Variants in PRSS27 observed in about 807,000 individuals in gnomAD.
The protein encoded by PRSS27 is serine protease 27.
PRSS27 carries 25 observed loss-of-function variants against 32.0 expected under a neutral mutation model. That is an observed-to-expected ratio of 0.78 (90% CI 0.57 to 1.09). The LOEUF is 1.09. Ranked by LOEUF, PRSS27 falls within the 50% of genes least tolerant of loss-of-function variation. The pLI, the probability that PRSS27 is intolerant of heterozygous loss-of-function variation, is 0.00. For synonymous variants in PRSS27, 178 were observed against 172.2 expected (o/e 1.03, Z -0.26); for missense variants, 401 against 394.9 (o/e 1.02, Z -0.13).
chr16:2,714,293 G>T lies in PRSS27; in HGVS notation c.280C>A (p.Gln94Lys). The change falls in exon 4 of 6, where the codon CAG (glutamine) becomes AAG (lysine). Residue 94 changes from glutamine to lysine, a missense_variant. Physicochemically the swap from Gln to Lys is moderately conservative, Grantham distance 53. Transcript: ENST00000302641. The surrounding 1 kb of genome is among the most constrained non-coding windows in gnomAD (Gnocchi z 4.7). ...GCGTGTGGTCCCGGCTGCACTAGCTGCCTTGCCCCCAGCAGGACCTGGTAC... is the reference window on the plus strand; with the variant it reads ...GCGTGTGGTCCCGGCTGCACTAGCTTCCTTGCCCCCAGCAGGACCTGGTAC... ...SLYQVLLGAR[Q>K]LVQPGPHAMY... 6.2e-7 allele frequency: 1 copy of T among 1,613,440 alleles called. No individual in the cohort carries two copies. Among genetic ancestry groups the T allele is most frequent in the Non-Finnish European group, 8.5e-7 (1 of 1,179,968 alleles).
intron 5 of PRSS27, 110 bp downstream of exon 5, chr16:2,713,419 C>T (rs757244780): frequency 1.6e-6 from 2 of 1,224,298 alleles, no homozygotes; most frequent in Non-Finnish European, 2.4e-6. Context: ...CTTTTCAAAA[C>T]AAGCTGCTCA....
chr16:2,716,029 G>A (rs2067700297), intron 2 of PRSS27, 149 bp from the exon 3 acceptor site: 3 of 657,142 alleles, frequency 4.6e-6, no homozygotes, highest in African/African-American at 1.8e-5. Context: ...GGGCTTCGGG[G>A]CAGTCTGGGA....
At position 2,720,079 on chromosome 16, in the gene PRSS27, ACTGCACCACCAGGACC is replaced by A. The variant is rs1462678193; in HGVS notation, c.46+20_46+35del. The stretch of plus-strand genomic sequence containing the variant: ...GCAGTGCAGCGGAGCCTGGTGGGGG[ACTGCACCACCAGGACC>A]CTGCACCTTCACGACTCACCAAAAC... On this transcript the variant is annotated intron_variant, in intron 1 of 5. Coordinates refer to ENST00000302641, the MANE Select transcript of PRSS27 (RefSeq NM_031948.5). The A allele has an allele frequency of 6.4e-7, 1 of 1,570,414 alleles. No homozygotes were observed. Among genetic ancestry groups the A allele is most frequent in the South Asian group, 1.2e-5 (1 of 86,674 alleles).
At position 2,714,443 on chromosome 16, in the gene PRSS27, G is replaced by A. The variant is rs1299691233; in HGVS notation, c.237-107C>T. 1 of 1,269,340 alleles carries A rather than the reference G, an allele frequency of 7.9e-7. No individual in the cohort carries two copies. The highest frequency in any genetic ancestry group is 1.3e-5 in the South Asian group (1 of 77,768). 78.6% of individuals were successfully genotyped at this position (1,269,340 alleles called of 1,614,324 possible). On this transcript the variant is annotated intron_variant, in intron 3 of 5. Transcript: ENST00000302641. The surrounding 1 kb of genome is among the most constrained non-coding windows in gnomAD (Gnocchi z 4.7). ...ACCACCGTGCCCCACACCTCTCTCT[G>A]CACAATGTCTTCGAGAGTCATCTCT...
intron 5 of PRSS27, chr16:2,713,093 T>A (rs1029693867): frequency 1.9e-6 from 1 of 524,098 alleles, no homozygotes; most frequent in Non-Finnish European, 3.4e-6. Context: ...TCCAGGAATC[T>A]GCTTTTTCTT....
chr16:2,713,046 C>A lies in PRSS27; in HGVS notation c.679-232G>T, dbSNP rs528536746. Reference sequence around the variant, plus strand: ...TGAAAATGCAGTTTCTTGTGCCCCACCCCAGACCCACTGACTCTGATCCTT... The same window carrying A: ...TGAAAATGCAGTTTCTTGTGCCCCAACCCAGACCCACTGACTCTGATCCTT... On this transcript the variant is annotated intron_variant, in intron 5 of 5. Transcript: ENST00000302641. 8.2e-5 allele frequency: 45 copies of A among 551,786 alleles called. No homozygotes were observed. The East Asian group carries it at 1.3e-3, about 16-fold the overall frequency. 34.2% of individuals were successfully genotyped at this position (551,786 alleles called of 1,614,324 possible).
At chr16:2,719,883 C>T (rs187659413) in intron 1 of PRSS27, among the ~76,000 whole-genome samples, 29 of 152,264 alleles carry the variant, frequency 1.9e-4, no homozygotes, top group African/African-American at 6.7e-4. Flanking sequence ...CCAGTTATGC[C>T]GGTGGGGTCC....
Position 2,713,627 on chromosome 16 carries a change from G to C in PRSS27, c.580C>G (p.Leu194Val), listed in dbSNP as rs1409480153. ...CCAAACTCGGTGTCTTTGCTGTAGA[G>C]CAGGTTGCACTTGGGTGTGTCGATG... ...PIIDTPKCNL[L>V]YSKDTEFGYQ... The change falls in exon 5 of 6, where the codon CTC (leucine) becomes GTC (valine). Residue 194 changes from leucine (L) to valine (V), a missense_variant. Physicochemically the swap from Leu to Val is conservative, Grantham distance 32. Transcript: ENST00000302641. The C allele has an allele frequency of 1.2e-6, 2 of 1,614,218 alleles. No individual in the cohort carries two copies. Among genetic ancestry groups the C allele is most frequent in the South Asian group, 2.2e-5 (2 of 91,084 alleles).
intron 1 of PRSS27, chr16:2,716,788 A>G (rs113538563): frequency 7.6e-5 from 41 of 536,284 alleles, no homozygotes; most frequent in African/African-American, 7.0e-4. Context: ...CGGTCAGGAG[A>G]TGCCAGTGAA....
At chr16:2,718,986 G>A (rs1052452926) in intron 1 of PRSS27, among the ~76,000 whole-genome samples, 2 of 152,168 alleles carry the variant, frequency 1.3e-5, no homozygotes, top group African/African-American at 4.8e-5. Context: ...ATTGTTTGGG[G>A]CCTGGGCCTG....
chr16:2,715,607 A>G, intron 3 of PRSS27, 111 bp downstream of exon 3: 1 of 816,060 alleles, frequency 1.2e-6, no homozygotes, highest in South Asian at 1.9e-5. Context: ...AGGAGCCCCC[A>G]GGGAGGTCAC....
rs1596230496 is a variant in PRSS27, at chr16:2,713,526, C to A, written c.678+3G>T. On this transcript the variant is annotated splice_donor_region_variant and intron_variant, in intron 5 of 5. Transcript: ENST00000302641. ...GTCCCCATGGACACCACATTGCTCC[C>A]ACCTTGCAGGCATCCTTCTTGCCCT... is the stretch of plus-strand genomic sequence containing the variant. 1 of 1,614,238 alleles carries A rather than the reference C, an allele frequency of 6.2e-7. No individual in the cohort carries two copies. Among genetic ancestry groups the A allele is most frequent in the East Asian group, 2.2e-5 (1 of 44,890 alleles).
At chr16:2,713,833 G>A in intron 4 of PRSS27, 135 bp from the exon 5 acceptor site, 3 of 1,063,034 alleles carry the variant, frequency 2.8e-6, no homozygotes, top group African/African-American at 1.6e-5. Context: ...CTGTGGGGCA[G>A]ACATCCTCCC....
At chr16:2,715,112 C>A (rs1226153227) in intron 3 of PRSS27, 1 of 151,234 alleles carries the variant, frequency 6.6e-6, no homozygotes, top group Non-Finnish European at 1.5e-5. Context: ...TCATGATATT[C>A]TTTTAAAGAT....
chr16:2,714,724 C>G lies in PRSS27; in HGVS notation c.237-388G>C, dbSNP rs1163728340. 9 of 260,516 alleles carry G rather than the reference C, an allele frequency of 3.5e-5. No individual in the cohort carries two copies. The South Asian group carries it at 3.8e-4, about 11-fold the overall frequency. The allele number at this position is 260,516 out of a possible 1,614,324, so 16.1% of individuals were successfully genotyped here. A position where few individuals can be genotyped will look rare whatever the true frequency, so the allele number is the denominator to read the frequency against. ...CTCTGGCAGGTGACCTGCCCTCTCT[C>G]AGCCCGAGTTTCCGATTTTTTTTTT... is the stretch of plus-strand genomic sequence containing the variant. On this transcript the variant is annotated intron_variant, in intron 3 of 5. Coordinates refer to ENST00000302641, the MANE Select transcript of PRSS27 (RefSeq NM_031948.5). This position sits in a 1 kb window ranked among gnomAD's most constrained non-coding sequence, Gnocchi z 4.7.
intron 1 of PRSS27, among the ~76,000 whole-genome samples, chr16:2,719,169 G>C (rs2067720031): frequency 6.6e-6 from 1 of 152,160 alleles, no homozygotes; most frequent in East Asian, 1.9e-4. Flanking sequence ...TTTTGGCAAT[G>C]ACCTTGGTTC....
rs190697484 is a variant in PRSS27, at chr16:2,712,511, C to T, written c.*109G>A. 4.7e-5 allele frequency: 41 copies of T among 872,612 alleles called. No individual in the cohort carries two copies. In the East Asian group the frequency reaches 1.2e-3, roughly 25 times the overall value. The allele number at this position is 872,612 out of a possible 1,614,324, so 54.1% of individuals were successfully genotyped here. ...GAAGGAGCGCTATTTACAAATGAGT[C>T]TGGTGGGGCTCACAGGTGCAACAGC... On this transcript the variant is annotated 3_prime_UTR_variant, in exon 6 of 6. Coordinates refer to ENST00000302641, the MANE Select transcript of PRSS27 (RefSeq NM_031948.5). The surrounding 1 kb of genome is among the most constrained non-coding windows in gnomAD (Gnocchi z 4.6).
chr16:2,715,709 C>T lies in PRSS27; in HGVS notation c.236+9G>A. On this transcript the variant is annotated intron_variant, in intron 3 of 5. Coordinates refer to ENST00000302641, the MANE Select transcript of PRSS27 (RefSeq NM_031948.5). The stretch of plus-strand genomic sequence containing the variant: ...CGCTATGGGCGGGGGCAGGGGCGGG[C>T]GGACTCACTTGCGGAAGCAGTGCGC... The T allele has an allele frequency of 1.3e-6, 2 of 1,516,594 alleles. No individual in the cohort carries two copies. The highest frequency in any genetic ancestry group is 1.3e-5 in the South Asian group (1 of 78,546). 93.9% of individuals were successfully genotyped at this position (1,516,594 alleles called of 1,614,324 possible). A position where few individuals can be genotyped will look rare whatever the true frequency, so the allele number is the denominator to read the frequency against.
intron 2 of PRSS27, chr16:2,716,095 G>C (rs949511308): frequency 3.6e-5 from 19 of 522,738 alleles, no homozygotes; most frequent in Non-Finnish European, 6.0e-5. Flanking sequence ...CGCCGAGAAA[G>C]GCAACCTAAC....
Sources: gnomAD v4.1 joint callset for allele counts (sites outside exome capture counted in the v4.1 genomes callset) on GRCh38, gnomAD v4.1.1 for gene constraint, Gnocchi (gnomAD v3.1) non-coding constraint, MANE v1.5 for transcripts, NCBI Gene and HGNC (gene_info 2026-07-23, HGNC 2026-07-21) for gene names.